NF2: variants seen among roughly 807,000 people sequenced by gnomAD.
NF2 encodes NF2, moesin-ezrin-radixin like (MERLIN) tumor suppressor.
Under a neutral mutation model 83.7 loss-of-function variants are expected in NF2, and 8 were observed. The observed-to-expected ratio is 0.10, with a 90% CI of 0.06 to 0.17. The LOEUF is 0.17. Ranked by LOEUF, NF2 falls within the 10% of genes least tolerant of loss-of-function variation. The pLI, the probability that NF2 is intolerant of heterozygous loss-of-function variation, is 1.00. For missense variants in NF2, 533 were observed against 744.4 expected (o/e 0.72, Z 3.31); for synonymous variants, 266 against 269.6 (o/e 0.99, Z 0.13).
chr22:29,639,968 G>A (rs192683060), intron 3 of NF2, among the ~76,000 whole-genome samples: 166 of 150,556 alleles, frequency 1.1e-3, no homozygotes, highest in African/African-American at 3.8e-3. Context: ...AGGCTGAGGC[G>A]GGCAGATCAC....
chr22:29,624,814 T>A (rs1032202029), intron 1 of NF2, among the ~76,000 whole-genome samples: 2 of 116,176 alleles, frequency 1.7e-5, no homozygotes, highest in East Asian at 5.1e-4. Context: ...TCTTTCTTTC[T>A]TTCTTTCTTT....
intron 7 of NF2, among the ~76,000 whole-genome samples, chr22:29,659,564 C>T (rs937642725): frequency 2.0e-5 from 3 of 152,096 alleles, no homozygotes; most frequent in Non-Finnish European, 2.9e-5. Context: ...AAGCTACTGG[C>T]TATCTTAGTG....
chr22:29,632,124 T>A (rs2065529446), intron 1 of NF2, among the ~76,000 whole-genome samples: 2 of 152,212 alleles, frequency 1.3e-5, no homozygotes, highest in African/African-American at 2.4e-5. Flanking sequence ...TGACAAAGAA[T>A]TGATTTTATG....
intron 4 of NF2, among the ~76,000 whole-genome samples, chr22:29,644,141 G>A (rs1601593895): frequency 6.6e-6 from 1 of 150,778 alleles, no homozygotes; most frequent in Non-Finnish European, 1.5e-5. Flanking sequence ...GCTGCCTGGC[G>A]GAGGAGCTCC....
At chr22:29,689,863 T>C (rs2067360610) in intron 15 of NF2, among the ~76,000 whole-genome samples, 1 of 152,274 alleles carries the variant, frequency 6.6e-6, no homozygotes, top group South Asian at 2.1e-4. Flanking sequence ...GTGTAATTCA[T>C]TCTTAATCAA....
Position 29,675,970 on chromosome 22 carries a change from G to A in NF2, c.1446+1029G>A, listed in dbSNP as rs751425092. ...CCGTATATCCCGGTTCTCCGTTACT[G>A]TGTAACAACCCACCCAAGCCAGCTG... On this transcript the variant is annotated intron_variant, in intron 13 of 15. Coordinates refer to ENST00000338641, the MANE Select transcript of NF2 (RefSeq NM_000268.4). Among the ~76,000 whole-genome samples the A allele has an allele frequency of 1.2e-3, 180 of 152,188 alleles. 3 individuals carry two copies. The Middle Eastern group carries it at 0.017, about 14-fold the overall frequency.
chr22:29,669,900 C>G (rs1039121216), intron 10 of NF2, among the ~76,000 whole-genome samples: 2 of 152,212 alleles, frequency 1.3e-5, no homozygotes, highest in African/African-American at 4.8e-5. Flanking sequence ...TTACACCTTA[C>G]AGTCTTTGTA....
intron 1 of NF2, among the ~76,000 whole-genome samples, chr22:29,626,299 G>A (rs2065366042): frequency 6.6e-6 from 1 of 151,794 alleles, no homozygotes; most frequent in Admixed American, 6.6e-5. Context: ...GACTACAGGT[G>A]CTTGCTACCA....
intron 4 of NF2, among the ~76,000 whole-genome samples, chr22:29,651,670 G>T (rs1232996642): frequency 6.6e-6 from 1 of 152,192 alleles, no homozygotes; most frequent in African/African-American, 2.4e-5. Context: ...TTTAATGTTG[G>T]AAGCAGAGTT....
intron 1 of NF2, among the ~76,000 whole-genome samples, chr22:29,613,340 G>A (rs1235923263): frequency 6.6e-6 from 1 of 152,126 alleles, no homozygotes; most frequent in Non-Finnish European, 1.5e-5. Context: ...GACCAGCCTG[G>A]GCAACATGGC....
intron 1 of NF2, among the ~76,000 whole-genome samples, chr22:29,622,716 C>T (rs1336210738): frequency 8.2e-5 from 10 of 122,388 alleles, no homozygotes; most frequent in Admixed American, 1.1e-4. Context: ...AGTGCAGTGG[C>T]GTGATCTCTG....
intron 1 of NF2, among the ~76,000 whole-genome samples, chr22:29,626,865 A>C (rs1483717784): frequency 6.6e-6 from 1 of 152,238 alleles, no homozygotes; most frequent in Non-Finnish European, 1.5e-5. Flanking sequence ...AGTGCTCTGC[A>C]AAATTATTCT....
At chr22:29,655,973 C>G (rs1402942277) in intron 6 of NF2, among the ~76,000 whole-genome samples, 1 of 149,908 alleles carries the variant, frequency 6.7e-6, no homozygotes, top group African/African-American at 2.5e-5. Context: ...GAGTCTTGCT[C>G]TGTTGTCCAG....
At chr22:29,608,792 A>G in intron 1 of NF2, 1 of 235,514 alleles carries the variant, frequency 4.2e-6, no homozygotes, top group African/African-American at 2.3e-5. Flanking sequence ...TAAACCACCA[A>G]AATTGACCCA....
In NF2 at chr22:29,678,360, G is replaced by A. The variant is rs200717255; in HGVS notation, c.1574+37G>A. 4.7e-5 allele frequency: 75 copies of A among 1,610,214 alleles called. No homozygotes were observed. The African/African-American group carries it at 8.0e-4, about 17-fold the overall frequency. ...CCTGTGCCCTGCTGTGGGCAGCTGTGAACTAGACTGAGTGATTGGGGCCTT... is the reference window on the plus strand; with the variant it reads ...CCTGTGCCCTGCTGTGGGCAGCTGTAAACTAGACTGAGTGATTGGGGCCTT... On this transcript the variant is annotated intron_variant, in intron 14 of 15. Coordinates refer to ENST00000338641, the MANE Select transcript of NF2 (RefSeq NM_000268.4).
intron 15 of NF2, among the ~76,000 whole-genome samples, chr22:29,691,101 C>T (rs1234165720): frequency 2.0e-5 from 3 of 152,220 alleles, no homozygotes; most frequent in Non-Finnish European, 4.4e-5. Context: ...GGTGCTTCTG[C>T]TTCATTACCT....
chr22:29,624,524 A>C (rs193210980), intron 1 of NF2, among the ~76,000 whole-genome samples: 8 of 152,238 alleles, frequency 5.3e-5, no homozygotes, highest in Middle Eastern at 6.8e-3. Flanking sequence ...GTTTTGAGAC[A>C]TGAATGAGGT....
At chr22:29,685,711 A>C (rs1448401849) in intron 15 of NF2, among the ~76,000 whole-genome samples, 1 of 152,102 alleles carries the variant, frequency 6.6e-6, no homozygotes, top group Non-Finnish European at 1.5e-5. Flanking sequence ...TTGCCTGGCC[A>C]TTGTATTTGT....
chr22:29,649,382 A>ACCAGCTTGG (rs1296203655), intron 4 of NF2, among the ~76,000 whole-genome samples: 2 of 152,182 alleles, frequency 1.3e-5, no homozygotes, highest in Admixed American at 1.3e-4. Context: ...GGAGCTTGAG[A>ACCAGCTTGG]CCAGCTTGGC....
Sources: allele counts gnomAD v4.1 joint callset (sites outside exome capture counted in the v4.1 genomes callset), GRCh38; gene constraint gnomAD v4.1.1; transcripts MANE v1.5; gene names NCBI Gene and HGNC (gene_info 2026-07-23, HGNC 2026-07-21).